The following RTN4 variants were observed in gnomAD, a reference collection of about 807,000 sequenced individuals.
RTN4 encodes reticulon 4.
RTN4 carries 32 observed loss-of-function variants against 90.4 expected under a neutral mutation model. The observed-to-expected ratio is 0.35, with a 90% confidence interval of 0.27 to 0.48. The LOEUF (loss-of-function observed/expected upper bound fraction) is 0.48. Among genes scored for constraint, RTN4 ranks in the 20% least tolerant of loss-of-function variants. The pLI, the probability that RTN4 is intolerant of heterozygous loss-of-function variation, is 0.99. For synonymous variants in RTN4, 629 were observed against 552.5 expected, an observed-to-expected ratio of 1.14 and a Z score of -1.94; for missense variants, 1,706 against 1,430.2, an observed-to-expected ratio of 1.19 and a Z score of -3.11.
intron 1 of RTN4, among the ~76,000 whole-genome samples, chr2:55,030,590 A>G (rs1017240300): frequency 2.6e-5 from 4 of 152,214 alleles, no homozygotes; most frequent in Admixed American, 1.3e-4. Flanking sequence ...GGATAATAAG[A>G]GTACCCACCT....
At chr2:55,079,634 A>C (rs1414579329) in intron 2 of RTN4, among the ~76,000 whole-genome samples, 1 of 152,208 alleles carries the variant, frequency 6.6e-6, no homozygotes, top group African/African-American at 2.4e-5. Flanking sequence ...CAGAGTGTTA[A>C]AAGGTACTAT....
chr2:55,117,804 A>G, the RTN4 span, among the ~76,000 whole-genome samples: 7 of 152,370 alleles, frequency 4.6e-5, no homozygotes, highest in South Asian at 1.2e-3. Flanking sequence ...CACAGAAGCC[A>G]GGAGAGTGAT....
At chr2:54,979,250 G>T (rs936815182) in intron 5 of RTN4, among the ~76,000 whole-genome samples, 1 of 151,142 alleles carries the variant, frequency 6.6e-6, no homozygotes, top group African/African-American at 2.4e-5. Flanking sequence ...TATAGAAACA[G>T]TCTCACAATG....
At chr2:55,029,479 G>C (rs1478376748) in intron 1 of RTN4, among the ~76,000 whole-genome samples, 1 of 152,140 alleles carries the variant, frequency 6.6e-6, no homozygotes, top group Non-Finnish European at 1.5e-5. Flanking sequence ...GAGATGACTG[G>C]AAGGTGATAT....
chr2:55,105,951 G>C (rs910340783), intron 1 of RTN4, among the ~76,000 whole-genome samples: 105 of 152,206 alleles, frequency 6.9e-4, no homozygotes, highest in African/African-American at 2.5e-3. Context: ...CTGCAAGCCA[G>C]CCTGGGTGAC....
intron 1 of RTN4, among the ~76,000 whole-genome samples, chr2:55,105,098 G>T (rs1413234257): frequency 6.6e-6 from 1 of 151,564 alleles, no homozygotes; most frequent in Non-Finnish European, 1.5e-5. Flanking sequence ...TGAGCCACCT[G>T]GCCCTGCTCA....
chr2:55,027,031 C>T lies in RTN4; in HGVS notation c.1068G>A (p.Glu356=). 1 of 1,613,518 alleles carries T rather than the reference C, an allele frequency of 6.2e-7. No homozygotes were observed. The highest frequency in any genetic ancestry group is 8.5e-7 in the Non-Finnish European group (1 of 1,179,848). The change falls in exon 3 of 9, where the codon GAG becomes GAA. Residue 356 remains glutamate, a synonymous_variant. Coordinates refer to ENST00000337526, the MANE Select transcript of RTN4 (RefSeq NM_020532.5). ...LPTALTKLVK[E]DEVVSSEKAK... ...CTTTTTCTGAAGACACAACTTCATC[C>T]TCTTTAACCAATTTAGTAAGAGCTG...
chr2:55,058,122 AT>A (rs1420319320), intron 2 of RTN4, among the ~76,000 whole-genome samples: 1 of 152,218 alleles, frequency 6.6e-6, no homozygotes, highest in Non-Finnish European at 1.5e-5. Flanking sequence ...TCAGGGACTG[AT>A]TCATGATCTA....
the RTN4 span, among the ~76,000 whole-genome samples, chr2:55,137,618 C>G: frequency 6.6e-6 from 1 of 152,092 alleles, no homozygotes; most frequent in East Asian, 1.9e-4. Flanking sequence ...TACAGCCTCC[C>G]CACAGGTGCC....
intron 2 of RTN4, among the ~76,000 whole-genome samples, chr2:55,078,321 C>T (rs754912526): frequency 3.3e-5 from 5 of 152,198 alleles, no homozygotes; most frequent in Non-Finnish European, 5.9e-5. Flanking sequence ...TCACTGCAGC[C>T]TCAACCTCCT....
intron 1 of RTN4, among the ~76,000 whole-genome samples, chr2:55,034,571 C>G (rs1682548798): frequency 6.6e-6 from 1 of 152,032 alleles, no homozygotes; most frequent in Admixed American, 6.6e-5. Context: ...AAGCTGAAAA[C>G]AGAAGCTGAA....
chr2:55,069,128 G>A (rs187632973), intron 2 of RTN4, among the ~76,000 whole-genome samples: 4 of 152,294 alleles, frequency 2.6e-5, no homozygotes, highest in Non-Finnish European at 4.4e-5. Context: ...AATCTCAGGA[G>A]GAGCACCCAG....
At chr2:55,068,099 G>A (rs1415573947) in intron 2 of RTN4, among the ~76,000 whole-genome samples, 1 of 152,130 alleles carries the variant, frequency 6.6e-6, no homozygotes, top group Non-Finnish European at 1.5e-5. Flanking sequence ...GCAGATATGT[G>A]GTTGGAAATG....
upstream of RTN4, among the ~76,000 whole-genome samples, chr2:55,053,948 G>A (rs969478507): frequency 6.6e-6 from 1 of 152,164 alleles, no homozygotes; most frequent in East Asian, 1.9e-4. Flanking sequence ...TGGAATGATA[G>A]TGGAGACTCA....
intron 1 of RTN4, among the ~76,000 whole-genome samples, chr2:55,109,799 G>A (rs963539749): frequency 1.3e-5 from 2 of 152,150 alleles, no homozygotes; most frequent in Non-Finnish European, 2.9e-5. Flanking sequence ...GAGTAAATAT[G>A]CCCTAAATAT....
intron 1 of RTN4, among the ~76,000 whole-genome samples, chr2:55,032,326 G>C (rs1268593561): frequency 6.6e-6 from 1 of 152,126 alleles, no homozygotes; most frequent in Non-Finnish European, 1.5e-5. Context: ...TGATCCGCCA[G>C]CCTCAGCTTC....
rs142577688 is a variant in RTN4, at chr2:55,047,771, T to C, written c.556+1974A>G. Reference sequence around the variant, plus strand: ...TGAATGTATCTAATATTATGCATTCTCAATCTCTAACAAACGTGATTTTTT... The same window carrying C: ...TGAATGTATCTAATATTATGCATTCCCAATCTCTAACAAACGTGATTTTTT... On this transcript the variant is annotated intron_variant, in intron 1 of 8. Transcript: ENST00000337526. Among the ~76,000 whole-genome samples the C allele has an allele frequency of 2.1e-3, 324 of 152,284 alleles. 1 individual carries two copies. The highest frequency in any genetic ancestry group is 6.8e-3 in the African/African-American group (283 of 41,536).
chr2:54,987,388 C>G, intron 4 of RTN4, 103 bp downstream of exon 4: 1 of 895,812 alleles, frequency 1.1e-6, no homozygotes, highest in Non-Finnish European at 1.8e-6. Flanking sequence ...TTATCTTTAA[C>G]AAAAAAATGC....
chr2:55,087,360 C>T (rs1668859985), intron 1 of RTN4, among the ~76,000 whole-genome samples: 1 of 152,188 alleles, frequency 6.6e-6, no homozygotes, highest in African/African-American at 2.4e-5. Flanking sequence ...AGTTGTTCCA[C>T]TCATTAGCTT....
Sources: allele counts gnomAD v4.1 joint callset (sites outside exome capture counted in the v4.1 genomes callset), GRCh38; gene constraint gnomAD v4.1.1; transcripts MANE v1.5; gene names NCBI Gene and HGNC (gene_info 2026-07-23, HGNC 2026-07-21).